ELOVL6: variants seen among roughly 807,000 people sequenced by gnomAD.
ELOVL6 encodes the protein very long chain fatty acid elongase 6.
Under a neutral mutation model 31.7 loss-of-function variants are expected in ELOVL6, and 8 were observed. The ratio of observed to expected loss-of-function variants is 0.25; its 90% CI spans 0.15 to 0.45. The LOEUF is 0.45. Among genes scored for constraint, ELOVL6 ranks in the 20% least tolerant of loss-of-function variants. The pLI is 1.00. For synonymous variants in ELOVL6, 101 were observed against 117.7 expected, an observed-to-expected ratio of 0.86 and a Z score of 0.92; for missense variants, 126 against 326.4, an observed-to-expected ratio of 0.39 and a Z score of 4.73.
chr4:110,063,532 G>A (rs896317796), intron 2 of ELOVL6, among the ~76,000 whole-genome samples: 4 of 151,488 alleles, frequency 2.6e-5, no homozygotes, highest in African/African-American at 7.4e-5. Flanking sequence ...GCAAGTTTAC[G>A]ACAGGATGTG....
In ELOVL6 at chr4:110,084,094, A is replaced by ATATGC. The variant is rs1491499071; in HGVS notation, c.221+21402_221+21403insGCATA. Among the ~76,000 whole-genome samples, 380 of 82,690 alleles carry ATATGC rather than the reference A, an allele frequency of 4.6e-3. 47 individuals carry two copies. The highest frequency in any genetic ancestry group is 0.018 in the Middle Eastern group (1 of 56). 54.2% of individuals were successfully genotyped at this position (82,690 alleles called of 152,430 possible). A position where few individuals can be genotyped will look rare whatever the true frequency, so the allele number is the denominator to read the frequency against. ...ATATATGCTATATATGATATATAAC[A>ATATGC]TATATATGATATATATGATATATAT... On this transcript the variant is annotated intron_variant, in intron 2 of 3. Coordinates refer to ENST00000302274, the MANE Select transcript of ELOVL6 (RefSeq NM_024090.3).
chr4:110,116,812 T>C (rs963946045), intron 1 of ELOVL6, among the ~76,000 whole-genome samples: 1 of 152,232 alleles, frequency 6.6e-6, no homozygotes, highest in Non-Finnish European at 1.5e-5. Flanking sequence ...TATGCAGCAA[T>C]GGTCAAGTAT....
intron 1 of ELOVL6, among the ~76,000 whole-genome samples, chr4:110,166,066 G>T (rs1758764678): frequency 6.6e-6 from 1 of 152,150 alleles, no homozygotes; most frequent in Admixed American, 6.5e-5. Context: ...CCAGCTCAGA[G>T]CTGATCTGGA....
chr4:110,123,794 T>C (rs954445449), intron 1 of ELOVL6, among the ~76,000 whole-genome samples: 1 of 152,222 alleles, frequency 6.6e-6, no homozygotes, highest in African/African-American at 2.4e-5. Context: ...TGAGATGTCA[T>C]TTGAGCATGT....
chr4:110,116,103 G>A (rs550317261), intron 1 of ELOVL6, among the ~76,000 whole-genome samples: 3 of 152,194 alleles, frequency 2.0e-5, no homozygotes, highest in Non-Finnish European at 2.9e-5. Context: ...AACAACCCAT[G>A]TGATTAGATG....
intron 2 of ELOVL6, among the ~76,000 whole-genome samples, chr4:110,080,184 G>T (rs561232014): frequency 6.6e-6 from 1 of 152,242 alleles, no homozygotes; most frequent in African/African-American, 2.4e-5. Context: ...TGGTACCATT[G>T]CTTCTGAAAC....
At position 110,162,550 on chromosome 4, in the gene ELOVL6, C is replaced by A. The variant is rs1175688054; in HGVS notation, c.89+35697G>T. 2.8e-5 allele frequency among the ~76,000 whole-genome samples: 4 copies of A among 141,534 alleles called. No homozygotes were observed. The Admixed American group carries it at 3.0e-4, about 10-fold the overall frequency. 92.9% of individuals were successfully genotyped at this position (141,534 alleles called of 152,430 possible). On this transcript the variant is annotated intron_variant, in intron 1 of 3. Coordinates refer to ENST00000302274, the MANE Select transcript of ELOVL6 (RefSeq NM_024090.3). ...TTGGATACAGGGTTTTGCTATGTTGCCCAAGCTAGTCTCCAACTCCTAGGC... is the reference window on the plus strand; with the variant it reads ...TTGGATACAGGGTTTTGCTATGTTGACCAAGCTAGTCTCCAACTCCTAGGC...
chr4:110,082,286 C>A (rs1755882510), intron 2 of ELOVL6, among the ~76,000 whole-genome samples: 1 of 151,950 alleles, frequency 6.6e-6, no homozygotes, highest in South Asian at 2.1e-4. Context: ...TATACAGACA[C>A]ATGCACACAT....
chr4:110,151,831 C>T (rs1435675134), intron 1 of ELOVL6, among the ~76,000 whole-genome samples: 1 of 152,148 alleles, frequency 6.6e-6, no homozygotes, highest in Non-Finnish European at 1.5e-5. Context: ...GTTTCCTCGT[C>T]AGTAAAAAGG....
At chr4:110,066,823 T>C (rs1251097803) in intron 2 of ELOVL6, among the ~76,000 whole-genome samples, 2 of 152,086 alleles carry the variant, frequency 1.3e-5, no homozygotes, top group Non-Finnish European at 2.9e-5. Context: ...TAGGTATACA[T>C]GTGCCATGGT....
chr4:110,184,823 G>C (rs1321935380), intron 1 of ELOVL6, among the ~76,000 whole-genome samples: 1 of 152,200 alleles, frequency 6.6e-6, no homozygotes, highest in Non-Finnish European at 1.5e-5. Context: ...GAAGAGTTCA[G>C]TCTGTAAAAT....
chr4:110,065,503 A>C (rs528442942), intron 2 of ELOVL6, among the ~76,000 whole-genome samples: 1 of 152,312 alleles, frequency 6.6e-6, no homozygotes, highest in African/African-American at 2.4e-5. Context: ...GCACACCTGT[A>C]GTCCCAGCTA....
intron 2 of ELOVL6, among the ~76,000 whole-genome samples, chr4:110,076,283 T>G (rs1755628919): frequency 6.6e-6 from 1 of 152,228 alleles, no homozygotes; most frequent in Non-Finnish European, 1.5e-5. Flanking sequence ...GACAAAATTA[T>G]ATGAAGCATG....
At chr4:110,074,635 G>A (rs190343816) in intron 2 of ELOVL6, among the ~76,000 whole-genome samples, 192 of 152,292 alleles carry the variant, frequency 1.3e-3, no homozygotes, top group African/African-American at 4.1e-3. Context: ...GCAATAGATA[G>A]TATGTCAGGA....
intron 1 of ELOVL6, among the ~76,000 whole-genome samples, chr4:110,155,632 T>C (rs968096790): frequency 6.6e-6 from 1 of 152,192 alleles, no homozygotes; most frequent in Non-Finnish European, 1.5e-5. Flanking sequence ...TCGTCCTGGT[T>C]CATATATCCA....
Position 110,182,141 on chromosome 4 carries a change from T to C in ELOVL6, c.89+16106A>G, listed in dbSNP as rs185054521. On this transcript the variant is annotated intron_variant, in intron 1 of 3. Coordinates refer to ENST00000302274, the MANE Select transcript of ELOVL6 (RefSeq NM_024090.3). The stretch of plus-strand genomic sequence containing the variant: ...GATGACTTTTGTCCCTGGGGAACCT[T>C]TGTCCCATTAGATACATTCCTGGGC... Among the ~76,000 whole-genome samples, 506 of 152,328 alleles carry C rather than the reference T, an allele frequency of 3.3e-3. 2 individuals carry two copies. Among genetic ancestry groups the C allele is most frequent in the Non-Finnish European group, 4.4e-3 (302 of 68,024 alleles).
chr4:110,121,334 G>C (rs1329201050), intron 1 of ELOVL6, among the ~76,000 whole-genome samples: 1 of 152,184 alleles, frequency 6.6e-6, no homozygotes, highest in Non-Finnish European at 1.5e-5. Context: ...AGCTAAGTTT[G>C]CATAGTCATA....
At chr4:110,190,106 A>C (rs2126281652) in intron 1 of ELOVL6, among the ~76,000 whole-genome samples, 1 of 152,322 alleles carries the variant, frequency 6.6e-6, no homozygotes, top group African/African-American at 2.4e-5. Context: ...GCAAGAAAAA[A>C]AAAACTGAAA....
chr4:110,181,417 T>C (rs982732937), intron 1 of ELOVL6, among the ~76,000 whole-genome samples: 1 of 152,108 alleles, frequency 6.6e-6, no homozygotes, highest in Non-Finnish European at 1.5e-5. Flanking sequence ...CTCTGCACTC[T>C]AGCCTGAGTG....
Sources: gnomAD v4.1 joint callset for allele counts (sites outside exome capture counted in the v4.1 genomes callset) on GRCh38, gnomAD v4.1.1 for gene constraint, MANE v1.5 for transcripts, NCBI Gene and HGNC (gene_info 2026-07-23, HGNC 2026-07-21) for gene names.